The following SAMD12 variants were observed in gnomAD, a reference collection of about 807,000 sequenced individuals.
The protein encoded by SAMD12 is sterile alpha motif domain containing 12, also known as sterile alpha motif domain-containing protein 12.
SAMD12 carries 9 observed loss-of-function variants against 15.0 expected under a neutral mutation model. That is an observed-to-expected ratio of 0.60 (90% confidence interval 0.36 to 1.05). The LOEUF is 1.05. Ranked by LOEUF, SAMD12 falls within the 50% of genes least tolerant of loss-of-function variation. SAMD12 has a pLI of 0.01. For missense variants in SAMD12, 230 were observed against 234.2 expected (o/e 0.98, Z 0.12); for synonymous variants, 86 against 90.1 (o/e 0.96, Z 0.25).
At chr8:118,357,745 T>C (rs1166552041) in intron 4 of SAMD12, among the ~76,000 whole-genome samples, 1 of 152,246 alleles carries the variant, frequency 6.6e-6, no homozygotes, top group Non-Finnish European at 1.5e-5. Context: ...AAATCCTTAA[T>C]GTAGCTTTGA....
At chr8:118,218,796 T>C (rs1311413144) in intron 4 of SAMD12, among the ~76,000 whole-genome samples, 1 of 152,210 alleles carries the variant, frequency 6.6e-6, no homozygotes, top group African/African-American at 2.4e-5. Flanking sequence ...CTTGATTCCA[T>C]ATCTTGTCAG....
chr8:118,166,767 A>G, the SAMD12 span, among the ~76,000 whole-genome samples: 1 of 152,202 alleles, frequency 6.6e-6, no homozygotes, highest in Non-Finnish European at 1.5e-5. Context: ...ACAGATATTA[A>G]CAAAGGTACA....
At chr8:118,301,602 T>C (rs1032783920) in intron 4 of SAMD12, among the ~76,000 whole-genome samples, 2 of 152,264 alleles carry the variant, frequency 1.3e-5, no homozygotes, top group Non-Finnish European at 2.9e-5. Flanking sequence ...GGTAAATGTA[T>C]GCATAGGCAA....
chr8:118,307,764 T>C (rs186760097), intron 4 of SAMD12, among the ~76,000 whole-genome samples: 4 of 151,694 alleles, frequency 2.6e-5, no homozygotes, highest in Admixed American at 1.3e-4. Flanking sequence ...TCTATACACT[T>C]GTTCATCGTG....
chr8:118,443,160 A>G (rs1214119348), intron 2 of SAMD12, among the ~76,000 whole-genome samples: 1 of 152,202 alleles, frequency 6.6e-6, no homozygotes, highest in African/African-American at 2.4e-5. Flanking sequence ...AACTTTAGGC[A>G]TAGATTTTTA....
rs1563861075 is a variant in SAMD12 at position 118,439,839 on chromosome 8, G to A, written c.315C>T (p.Asp105=). The part of the protein sequence containing the change: ...QIYSESFKQH[D]ITGRALLRLT... ...GGATACTGCATACTTTACCAGTTAT[G>A]TCATGCTGTTTGAATGACTCACTGT... The change falls in exon 3 of 4, where the codon GAC becomes GAT. Residue 105 remains aspartate, a synonymous_variant. Transcript: ENST00000314727. 2 of 1,613,156 alleles carry A rather than the reference G, an allele frequency of 1.2e-6. No homozygotes were observed. The highest frequency in any genetic ancestry group is 1.3e-5 in the African/African-American group (1 of 74,904).
intron 4 of SAMD12, among the ~76,000 whole-genome samples, chr8:118,262,087 T>C (rs1586396805): frequency 6.6e-6 from 1 of 152,074 alleles, no homozygotes; most frequent in South Asian, 2.1e-4. Flanking sequence ...AGGATTTGAA[T>C]CCCAGTGTAC....
intron 2 of SAMD12, among the ~76,000 whole-genome samples, chr8:118,549,607 T>C (rs1826255628): frequency 6.6e-6 from 1 of 152,014 alleles, no homozygotes; most frequent in African/African-American, 2.4e-5. Flanking sequence ...AACTGGAAAC[T>C]CTAAAAAGCA....
intron 1 of SAMD12, among the ~76,000 whole-genome samples, chr8:118,604,062 A>G (rs1207749895): frequency 6.6e-6 from 1 of 152,222 alleles, no homozygotes; most frequent in Admixed American, 6.5e-5. Flanking sequence ...TACTTCATAC[A>G]TTTAGCCACT....
chr8:118,440,065 G>T, intron 2 of SAMD12, 104 bp from the exon 3 acceptor site: 2 of 1,113,032 alleles, frequency 1.8e-6, no homozygotes, highest in Non-Finnish European at 2.6e-6. Flanking sequence ...TGGATTCCCT[G>T]AAGATAAATA....
chr8:118,487,634 C>T (rs1184171054), intron 2 of SAMD12, among the ~76,000 whole-genome samples: 3 of 152,226 alleles, frequency 2.0e-5, no homozygotes, highest in African/African-American at 7.2e-5. Flanking sequence ...GTGCTAAGCA[C>T]TTTCACAAAT....
intron 3 of SAMD12, among the ~76,000 whole-genome samples, chr8:118,437,453 G>A (rs921111970): frequency 2.8e-4 from 43 of 152,114 alleles, no homozygotes; most frequent in African/African-American, 9.7e-4. Flanking sequence ...ACACTTCCAG[G>A]TGAGTCCTGA....
chr8:118,185,069 T>G (rs1292416882), downstream of SAMD12, among the ~76,000 whole-genome samples: 1 of 152,118 alleles, frequency 6.6e-6, no homozygotes, highest in Non-Finnish European at 1.5e-5. Context: ...TTGCTCTAAT[T>G]GTGGTCCGAA....
rs922905793 is a variant in SAMD12, at chr8:118,265,675, G to C, written c.434-67943C>G. On this transcript the variant is annotated intron_variant, in intron 4 of 4. Coordinates refer to the SAMD12 transcript ENST00000409003. ...TATTTCAACACTAATTTAGAATCTAGTATGATAAATAATAGGGATCAGACT... is the reference window on the plus strand; with the variant it reads ...TATTTCAACACTAATTTAGAATCTACTATGATAAATAATAGGGATCAGACT... 5.3e-5 allele frequency among the ~76,000 whole-genome samples: 8 copies of C among 151,736 alleles called. No homozygotes were observed. The East Asian group carries it at 1.5e-3, about 29-fold the overall frequency.
At chr8:118,524,202 T>A (rs1825471578) in intron 2 of SAMD12, among the ~76,000 whole-genome samples, 1 of 152,082 alleles carries the variant, frequency 6.6e-6, no homozygotes, top group South Asian at 2.1e-4. Flanking sequence ...TCTAACAGGC[T>A]TTTTCCCCTT....
chr8:118,366,812 C>CAAATA (rs1554643154), intron 4 of SAMD12, among the ~76,000 whole-genome samples: 2,749 of 76,852 alleles, frequency 0.036, 102 homozygotes, highest in Admixed American at 0.07. Flanking sequence ...AACTCTGTCT[C>CAAATA]AAATAAAATA....
intron 4 of SAMD12, among the ~76,000 whole-genome samples, chr8:118,270,322 TATAAA>T (rs1378902412): frequency 2.1e-4 from 32 of 152,190 alleles, no homozygotes; most frequent in African/African-American, 7.0e-4. Flanking sequence ...AGGAAAATGT[TATAAA>T]ATAAAACGAC....
At chr8:118,455,944 A>G (rs972372110) in intron 2 of SAMD12, among the ~76,000 whole-genome samples, 2 of 152,168 alleles carry the variant, frequency 1.3e-5, no homozygotes, top group African/African-American at 4.8e-5. Flanking sequence ...TCTCACCTAG[A>G]CTCTGGCAAT....
chr8:118,424,618 T>G (rs933196226), intron 3 of SAMD12, among the ~76,000 whole-genome samples: 3 of 152,102 alleles, frequency 2.0e-5, no homozygotes, highest in African/African-American at 7.2e-5. Flanking sequence ...TAATAAGAAT[T>G]TCAACAGGGA....
Sources: gnomAD v4.1 joint callset for allele counts (sites outside exome capture counted in the v4.1 genomes callset) on GRCh38, gnomAD v4.1.1 for gene constraint, MANE v1.5 for transcripts, NCBI Gene and HGNC (gene_info 2026-07-23, HGNC 2026-07-21) for gene names.